The following ABCF2 variants were observed in gnomAD, a reference collection of about 807,000 sequenced individuals.
ABCF2 encodes the protein ATP-binding cassette sub-family F member 2.
ABCF2 carries 37 observed loss-of-function variants against 76.9 expected under a neutral mutation model. The observed-to-expected ratio is 0.48, with a 90% confidence interval of 0.37 to 0.63. The LOEUF (loss-of-function observed/expected upper bound fraction) is 0.63. Ranked by LOEUF, ABCF2 falls within the 30% of genes least tolerant of loss-of-function variation. The pLI is 0.00. For missense variants in ABCF2, 524 were observed against 782.1 expected, an observed-to-expected ratio of 0.67 and a Z score of 3.94; for synonymous variants, 299 against 283.7, an observed-to-expected ratio of 1.05 and a Z score of -0.54.
At position 151,212,628 on chromosome 7, in the gene ABCF2, C is replaced by T. The variant is rs187485186; in HGVS notation, c.*1426G>A. On this transcript the variant is annotated 3_prime_UTR_variant, in exon 15 of 15. Coordinates refer to ENST00000287844, the MANE Select transcript of ABCF2 (RefSeq NM_007189.3). The stretch of plus-strand genomic sequence containing the variant: ...CCTCCTCTTATCAGAGCAGCTGGGA[C>T]CGCAGGCACATGCTACTATGCCCGG... 8.5e-5 allele frequency: 27 copies of T among 316,160 alleles called. No individual in the cohort carries two copies. The East Asian group carries it at 4.0e-3, about 47-fold the overall frequency. The allele number at this position is 316,160 out of a possible 1,614,324, so 19.6% of individuals were successfully genotyped here.
rs1029744286 is a variant in ABCF2, at chr7:151,221,609, T to C, written c.890A>G (p.His297Arg). Residue 297 changes from histidine to arginine, a missense_variant, in exon 7 of 15, where the codon CAC becomes CGC. Coordinates refer to ENST00000287844, the MANE Select transcript of ABCF2 (RefSeq NM_007189.3). Reference protein sequence around the residue: ...FLNGVCTNIIHMHNKKLKYYT... With the variant: ...FLNGVCTNIIRMHNKKLKYYT... ...ATACTTCAGTTTCTTGTTGTGCATG[T>C]GAATGATATTGGTACAGACACCATT... 1 of 1,608,978 alleles carries C rather than the reference T, an allele frequency of 6.2e-7. No homozygotes were observed. The highest frequency in any genetic ancestry group is 1.7e-5 in the Admixed American group (1 of 59,968).
At chr7:151,218,470 G>T in intron 10 of ABCF2, 91 bp downstream of exon 10, 1 of 1,163,744 alleles carries the variant, frequency 8.6e-7, no homozygotes, top group Non-Finnish European at 1.3e-6. Flanking sequence ...TGGGCTAGCA[G>T]GTGTGGTCAG....
At chr7:151,222,437 A>AG in intron 6 of ABCF2, 84 bp downstream of exon 6, 1 of 1,120,786 alleles carries the variant, frequency 8.9e-7, no homozygotes, top group Non-Finnish European at 1.3e-6. Context: ...CACCGCTCTA[A>AG]CATCAGTGCA....
chr7:151,223,030 C>T (rs1802303129), intron 5 of ABCF2, among the ~76,000 whole-genome samples: 1 of 152,202 alleles, frequency 6.6e-6, no homozygotes, highest in Admixed American at 6.5e-5. Context: ...GACTCTAAAG[C>T]TCTGGTTCCC....
rs111583577 is a variant in ABCF2, at chr7:151,211,787, A to G, written c.*2267T>C. On this transcript the variant is annotated 3_prime_UTR_variant, in exon 15 of 15. Coordinates refer to ENST00000287844, the MANE Select transcript of ABCF2 (RefSeq NM_007189.3). ...CTCTCAGGACAGACTAACCTGGGCCATTTTGCTCCAGGCCCCACTTAAGGC... is the reference window on the plus strand; with the variant it reads ...CTCTCAGGACAGACTAACCTGGGCCGTTTTGCTCCAGGCCCCACTTAAGGC... 5.6e-5 allele frequency: 55 copies of G among 985,330 alleles called. No individual in the cohort carries two copies. The highest frequency in any genetic ancestry group is 2.6e-4 in the African/African-American group (15 of 57,316). 61.0% of individuals were successfully genotyped at this position (985,330 alleles called of 1,614,324 possible). A position where few individuals can be genotyped will look rare whatever the true frequency, so the allele number is the denominator to read the frequency against.
intron 3 of ABCF2, 29 bp from the exon 4 acceptor site, chr7:151,224,143 T>C (rs1802328929): frequency 6.2e-7 from 1 of 1,610,836 alleles, no homozygotes; most frequent in African/African-American, 1.3e-5. Flanking sequence ...AGACGCTTGG[T>C]ACAGTGAACT....
chr7:151,226,695 A>T, intron 1 of ABCF2, 195 bp from the exon 2 acceptor site: 1 of 450,218 alleles, frequency 2.2e-6, no homozygotes, highest in Non-Finnish European at 3.9e-6. Context: ...TCTAATCTTA[A>T]CATCTCTTCC....
rs927485346 is a variant in ABCF2, at chr7:151,226,588, T to C, written c.-42-88A>G. 4.0e-5 allele frequency: 41 copies of C among 1,024,318 alleles called. No individual in the cohort carries two copies. In the Middle Eastern group the frequency reaches 1.3e-3, roughly 31 times the overall value. 63.5% of individuals were successfully genotyped at this position (1,024,318 alleles called of 1,614,324 possible). A position where few individuals can be genotyped will look rare whatever the true frequency, so the allele number is the denominator to read the frequency against. Reference sequence around the variant, plus strand: ...GCTCCATCCCTCTCAGGAATCTTCGTATCAACATCAAGCCTCTGATGCCCT... The same window carrying C: ...GCTCCATCCCTCTCAGGAATCTTCGCATCAACATCAAGCCTCTGATGCCCT... On this transcript the variant is annotated intron_variant, in intron 1 of 14. Transcript: ENST00000287844.
chr7:151,222,154 A>G (rs1802281249), intron 6 of ABCF2, among the ~76,000 whole-genome samples: 1 of 152,222 alleles, frequency 6.6e-6, no homozygotes, highest in African/African-American at 2.4e-5. Context: ...GACCATGACC[A>G]TATTGGCTAT....
intron 7 of ABCF2, among the ~76,000 whole-genome samples, chr7:151,221,194 T>C (rs939014278): frequency 6.7e-6 from 1 of 149,832 alleles, no homozygotes; most frequent in African/African-American, 2.5e-5. Flanking sequence ...AGCTAATAGA[T>C]AGGTCTGCTT....
At chr7:151,226,031 G>T (rs1726001353) in intron 2 of ABCF2, among the ~76,000 whole-genome samples, 1 of 152,120 alleles carries the variant, frequency 6.6e-6, no homozygotes, top group African/African-American at 2.4e-5. Flanking sequence ...AAAGGGGCAG[G>T]GAACTGATCC....
chr7:151,225,893 C>A (rs1005844716), intron 2 of ABCF2, among the ~76,000 whole-genome samples: 1 of 152,104 alleles, frequency 6.6e-6, no homozygotes, highest in African/African-American at 2.4e-5. Context: ...CAGGAAAAAC[C>A]CCATAAATCA....
chr7:151,220,771 T>C (rs1802250997), intron 7 of ABCF2, among the ~76,000 whole-genome samples: 1 of 152,210 alleles, frequency 6.6e-6, no homozygotes, highest in South Asian at 2.1e-4. Flanking sequence ...GCAGATCACC[T>C]GAAGTCAAGA....
At chr7:151,221,527 C>T (rs1307855336) in intron 7 of ABCF2, 51 bp downstream of exon 7, 7 of 980,328 alleles carry the variant, frequency 7.1e-6, no homozygotes, top group Admixed American at 2.4e-5. Flanking sequence ...AAGAGAATTT[C>T]AGAGAATTGG....
rs935995082 is a variant in ABCF2, at chr7:151,214,428, G to A, written c.1735-237C>T. Among the ~76,000 whole-genome samples the A allele has an allele frequency of 1.4e-4, 21 of 152,172 alleles. No homozygotes were observed. Among genetic ancestry groups the A allele is most frequent in the African/African-American group, 5.1e-4 (21 of 41,442 alleles). On this transcript the variant is annotated intron_variant, in intron 14 of 14. Coordinates refer to ENST00000287844, the MANE Select transcript of ABCF2 (RefSeq NM_007189.3). The surrounding 1 kb of genome is among the most constrained non-coding windows in gnomAD (Gnocchi z 4.9). ...CTCCTATTGTCAGCTCCCTGGCAGGGCCTAGATCTATTCAGAGGCTTCACT... is the reference window on the plus strand; with the variant it reads ...CTCCTATTGTCAGCTCCCTGGCAGGACCTAGATCTATTCAGAGGCTTCACT...
intron 1 of ABCF2, 64 bp from the exon 2 acceptor site, chr7:151,226,564 C>T: frequency 8.5e-7 from 1 of 1,178,274 alleles, no homozygotes; most frequent in Non-Finnish European, 1.2e-6. Context: ...CTGGGCCCTG[C>T]TCCATCCCTC....
In ABCF2 at chr7:151,215,602, A is replaced by G. The variant is rs767380591; in HGVS notation, c.1530+2T>C. On this transcript the variant is annotated splice_donor_variant, in intron 13 of 14. Coordinates refer to ENST00000287844, the MANE Select transcript of ABCF2 (RefSeq NM_007189.3). LOFTEE classifies it high-confidence loss of function. The surrounding 1 kb of genome is among the most constrained non-coding windows in gnomAD (Gnocchi z 4.6). ...ATCCTCACCACACCCTCCTTTACTG[A>G]CCTGTTGTTTCCCAGTGAGACCGTA... 4.3e-6 allele frequency: 7 copies of G among 1,613,766 alleles called. No homozygotes were observed. In the Admixed American group the frequency reaches 1.2e-4, roughly 27 times the overall value.
At chr7:151,222,289 ATT>A (rs75061489) in intron 6 of ABCF2, among the ~76,000 whole-genome samples, 18 of 149,858 alleles carry the variant, frequency 1.2e-4, no homozygotes, top group Non-Finnish European at 2.2e-4. Context: ...ACCAACAAGG[ATT>A]TTTTTTAAAA....
At chr7:151,219,555 G>A (rs1305364501) in intron 7 of ABCF2, among the ~76,000 whole-genome samples, 1 of 152,156 alleles carries the variant, frequency 6.6e-6, no homozygotes. Flanking sequence ...TCTCCAGAGG[G>A]GAAAACAGAC....
Sources: allele counts gnomAD v4.1 joint callset (sites outside exome capture counted in the v4.1 genomes callset), GRCh38; gene constraint gnomAD v4.1.1; non-coding constraint Gnocchi (gnomAD v3.1); transcripts MANE v1.5; gene names NCBI Gene and HGNC (gene_info 2026-07-23, HGNC 2026-07-21).